Variants in PRMT7 observed in about 807,000 individuals in gnomAD.
PRMT7 encodes protein arginine N-methyltransferase 7.
Under a neutral mutation model 85.4 loss-of-function variants are expected in PRMT7, and 75 were observed. That is an observed-to-expected ratio of 0.88 (90% CI 0.73 to 1.06). PRMT7 has a LOEUF of 1.06. Among genes scored for constraint, PRMT7 ranks in the 50% least tolerant of loss-of-function variants. The probability of loss-of-function intolerance (pLI) is 0.00; values close to 1 mark genes in which losing one functional copy is unlikely to be tolerated. For synonymous variants in PRMT7, 397 were observed against 359.5 expected (o/e 1.10, Z -1.18); for missense variants, 868 against 915.2 (o/e 0.95, Z 0.67).
rs776651889 is a variant in PRMT7 at position 68,348,369 on chromosome 16, A to G, written c.1351A>G (p.Lys451Glu). Residue 451 changes from lysine to glutamate, a missense_variant, in exon 14 of 19, where the codon AAA becomes GAA. Coordinates refer to ENST00000441236, the MANE Select transcript of PRMT7 (RefSeq NM_019023.5). Reference sequence around the variant, plus strand: ...CTTCAAGGCTAACCACTTGGAAGATAAAATTAACATCATAGAGAAACGGCC... The same window carrying G: ...CTTCAAGGCTAACCACTTGGAAGATGAAATTAACATCATAGAGAAACGGCC... ...KIFKANHLED[K>E]INIIEKRPEL... The G allele has an allele frequency of 2.5e-6, 4 of 1,610,244 alleles. No homozygotes were observed. The African/African-American group carries it at 4.0e-5, about 16-fold the overall frequency.
At chr16:68,331,089 C>T (rs1324564697) in intron 6 of PRMT7, among the ~76,000 whole-genome samples, 2 of 152,194 alleles carry the variant, frequency 1.3e-5, no homozygotes, top group Non-Finnish European at 2.9e-5. Context: ...AGAGATTCCT[C>T]ATAACCCTTT....
intron 9 of PRMT7, among the ~76,000 whole-genome samples, chr16:68,343,889 C>T (rs963927009): frequency 2.0e-5 from 3 of 152,134 alleles, no homozygotes; most frequent in Non-Finnish European, 2.9e-5. Flanking sequence ...TCTTGGAGTC[C>T]CACAGGGCCA....
chr16:68,346,247 C>T lies in PRMT7; in HGVS notation c.1158C>T (p.Asp386=), dbSNP rs535154442. 4.8e-5 allele frequency: 78 copies of T among 1,614,234 alleles called. 2 individuals carry two copies. In the South Asian group the frequency reaches 8.1e-4, roughly 17 times the overall value. Residue 386 remains aspartate, a synonymous_variant, in exon 11 of 19, where the codon GAC becomes GAT. Coordinates refer to ENST00000441236, the MANE Select transcript of PRMT7 (RefSeq NM_019023.5). The stretch of plus-strand genomic sequence containing the variant: ...GGTTTGGAGAGATCAATGACCAGGA[C>T]AGAACTGATCGATACGTCCAGGCTC... ...RPRFGEINDQ[D]RTDRYVQALR...
At chr16:68,359,607 C>T (rs896508073), downstream of PRMT7, 1 of 152,778 alleles carries the variant, frequency 6.5e-6, no homozygotes, top group African/African-American at 2.4e-5. Flanking sequence ...AGGGCACCAG[C>T]ACCAGGAGGG....
At chr16:68,323,026 C>G (rs67145589) in intron 4 of PRMT7, among the ~76,000 whole-genome samples, 75,007 of 151,174 alleles carry the variant, frequency 0.5, 19,427 homozygotes, top group East Asian at 0.78. Flanking sequence ...AGGGAGACTC[C>G]GTCTCAAAAA....
At chr16:68,345,933 G>A (rs1056419792) in intron 10 of PRMT7, 131 bp downstream of exon 10, 2 of 1,415,424 alleles carry the variant, frequency 1.4e-6, no homozygotes, top group East Asian at 2.3e-5. Flanking sequence ...ACAAAGATTT[G>A]TGACCAGTGT....
chr16:68,353,625 C>T, intron 16 of PRMT7, 59 bp downstream of exon 16: 6 of 1,455,714 alleles, frequency 4.1e-6, no homozygotes, highest in Non-Finnish European at 5.5e-6. Context: ...GCAGGCCTCT[C>T]ACAGGGTCCC....
At chr16:68,345,536 T>A in intron 9 of PRMT7, 139 bp from the exon 10 acceptor site, 1 of 1,270,380 alleles carries the variant, frequency 7.9e-7, no homozygotes, top group Non-Finnish European at 1.1e-6. Context: ...AGTTTATTTA[T>A]CTCCTTGGCC....
rs2087516872 is a variant in PRMT7 at position 68,352,304 on chromosome 16, C to T, written c.1470C>T (p.Asn490=). 3 of 1,613,556 alleles carry T rather than the reference C, an allele frequency of 1.9e-6. No homozygotes were observed. The highest frequency in any genetic ancestry group is 1.7e-6 in the Non-Finnish European group (2 of 1,180,034). The change falls in exon 15 of 19, where the codon AAC becomes AAT. Residue 490 remains asparagine, a synonymous_variant. Transcript: ENST00000441236. The part of the protein sequence containing the change: ...FFTTSLLPWH[N]LYFWYVRTAV... ...CTACCAGCCTGCTGCCGTGGCACAA[C>T]CTCTACTTCTGGTACGTGCGGACCG...
chr16:68,346,157 T>A lies in PRMT7; in HGVS notation c.1068T>A (p.Asn356Lys), dbSNP rs1567717396. Reference sequence around the variant, plus strand: ...TCTCCTGGCCTAGCCCTGAAAAGAATGAGAGAGTCCGCCAGATGCGCCCCG... The same window carrying A: ...TCTCCTGGCCTAGCCCTGAAAAGAAAGAGAGAGTCCGCCAGATGCGCCCCG... ...YSLQRTSPEK[N>K]ERVRQMRPVC... The change falls in exon 11 of 19, where the codon AAT becomes AAA. Residue 356 changes from asparagine to lysine, a missense_variant. Physicochemically the swap from Asn to Lys is moderately conservative, Grantham distance 94. Transcript: ENST00000441236. 3.1e-6 allele frequency: 5 copies of A among 1,613,900 alleles called. No individual in the cohort carries two copies. The highest frequency in any genetic ancestry group is 1.7e-5 in the Admixed American group (1 of 60,010).
downstream of PRMT7, chr16:68,360,786 C>T (rs576669246): frequency 3.2e-4 from 55 of 171,762 alleles, no homozygotes; most frequent in African/African-American, 1.1e-3. Flanking sequence ...CAGCGTGGCA[C>T]GTGGCATGCG....
intron 3 of PRMT7, among the ~76,000 whole-genome samples, chr16:68,320,926 C>G (rs1248890476): frequency 6.6e-6 from 1 of 152,052 alleles, no homozygotes; most frequent in Non-Finnish European, 1.5e-5. Flanking sequence ...TGTTCATAGC[C>G]ACTGCACTAC....
At chr16:68,350,209 T>A (rs939481359) in intron 14 of PRMT7, among the ~76,000 whole-genome samples, 3 of 152,250 alleles carry the variant, frequency 2.0e-5, no homozygotes, top group Non-Finnish European at 4.4e-5. Flanking sequence ...TTTGGCCACT[T>A]TGAATAAGGC....
rs2088739703 is a variant in PRMT7, at chr16:68,357,218, A to T, written c.2073A>T (p.Pro691=). 2.5e-6 allele frequency: 4 copies of T among 1,611,722 alleles called. No individual in the cohort carries two copies. The East Asian group carries it at 8.9e-5, about 36-fold the overall frequency. Residue 691 remains proline, a synonymous_variant, in exon 19 of 19, where the codon CCA becomes CCT. Coordinates refer to ENST00000441236, the MANE Select transcript of PRMT7 (RefSeq NM_019023.5). ...TGGAGTTCAGGCATGCAGATACCCC[A>T]GACTGACCACTCTTGAGCAATAAAG... ...IIMEFRHADT[P]D
intron 5 of PRMT7, chr16:68,328,391 A>C (rs1017615940): frequency 6.6e-6 from 1 of 152,558 alleles, no homozygotes; most frequent in Non-Finnish European, 1.5e-5. Flanking sequence ...GTATGTCTCT[A>C]TAAAGTGTGT....
rs1194770472 is a variant in PRMT7 at position 68,314,835 on chromosome 16, G to A, written c.-83-1062G>A. ...TCCCAGAAATAGATCTCTTTGGGGAGACAGGCCATACAAGACGTGAATCTG... is the reference window on the plus strand; with the variant it reads ...TCCCAGAAATAGATCTCTTTGGGGAAACAGGCCATACAAGACGTGAATCTG... On this transcript the variant is annotated intron_variant, in intron 2 of 18. Coordinates refer to ENST00000441236, the MANE Select transcript of PRMT7 (RefSeq NM_019023.5). 3.9e-5 allele frequency among the ~76,000 whole-genome samples: 6 copies of A among 152,294 alleles called. No individual in the cohort carries two copies. The East Asian group carries it at 1.2e-3, about 29-fold the overall frequency.
intron 9 of PRMT7, among the ~76,000 whole-genome samples, chr16:68,341,485 C>T (rs2085525467): frequency 6.6e-6 from 1 of 152,212 alleles, no homozygotes; most frequent in Non-Finnish European, 1.5e-5. Flanking sequence ...TCTCAGCTCA[C>T]TGCAACCTCT....
intron 16 of PRMT7, 66 bp from the exon 17 acceptor site, chr16:68,355,657 G>A: frequency 7.1e-7 from 1 of 1,406,326 alleles, no homozygotes; most frequent in African/African-American, 1.5e-5. Context: ...AGCCAAGCCG[G>A]GGAGCGGTAC....
chr16:68,356,937 G>T, intron 18 of PRMT7, 117 bp from the exon 19 acceptor site: 2 of 1,379,196 alleles, frequency 1.5e-6, no homozygotes, highest in East Asian at 4.9e-5. Flanking sequence ...GTGGTCCTGG[G>T]CCATCTGGCC....
Sources: allele counts gnomAD v4.1 joint callset (sites outside exome capture counted in the v4.1 genomes callset), GRCh38; gene constraint gnomAD v4.1.1; transcripts MANE v1.5; gene names NCBI Gene and HGNC (gene_info 2026-07-23, HGNC 2026-07-21).